Variants in RAB11FIP1 observed in about 807,000 individuals in gnomAD.
RAB11FIP1 encodes RAB11 family interacting protein 1, also known as rab11 family-interacting protein 1.
In RAB11FIP1, 49 loss-of-function variants were observed where a neutral mutation model predicts 83.1. The ratio of observed to expected loss-of-function variants is 0.59; its 90% CI spans 0.47 to 0.75. RAB11FIP1 has a LOEUF of 0.75. RAB11FIP1 is among the 30% of genes least tolerant of loss of function. The pLI is 0.00. For missense variants in RAB11FIP1, 1,536 were observed against 1,598.7 expected, an observed-to-expected ratio of 0.96 and a Z score of 0.67; for synonymous variants, 670 against 656.0, an observed-to-expected ratio of 1.02 and a Z score of -0.33.
Position 37,862,765 on chromosome 8 carries a change from G to T in RAB11FIP1, c.*130C>A. Reference sequence around the variant, plus strand: ...GCTTCCATTGGTAGAATTCACTCTTGCCGGATAACATGTGAGGGAGATGGT... The same window carrying T: ...GCTTCCATTGGTAGAATTCACTCTTTCCGGATAACATGTGAGGGAGATGGT... On this transcript the variant is annotated 3_prime_UTR_variant, in exon 6 of 6. Coordinates refer to ENST00000330843, the MANE Select transcript of RAB11FIP1 (RefSeq NM_001002814.3). The T allele has an allele frequency of 1.5e-6, 1 of 679,036 alleles. No homozygotes were observed. The highest frequency in any genetic ancestry group is 2.6e-6 in the Non-Finnish European group (1 of 389,934). The allele number at this position is 679,036 out of a possible 1,614,324, so 42.1% of individuals were successfully genotyped here. A position where few individuals can be genotyped will look rare whatever the true frequency, so the allele number is the denominator to read the frequency against.
Position 37,872,231 on chromosome 8 carries a change from G to A in RAB11FIP1, c.2571C>T (p.Pro857=). The A allele has an allele frequency of 6.2e-7, 1 of 1,614,066 alleles. No individual in the cohort carries two copies. Among genetic ancestry groups the A allele is most frequent in the Non-Finnish European group, 8.5e-7 (1 of 1,180,000 alleles). ...ATTCCCTTTCTGAGTCCTCTGCGTGGGGAGACTCAGGAGGCTCTCCGTCAG... is the reference window on the plus strand; with the variant it reads ...ATTCCCTTTCTGAGTCCTCTGCGTGAGGAGACTCAGGAGGCTCTCCGTCAG... ...NASDGEPPES[P]HAEDSERESV... is the part of the protein sequence containing the mutation. The change falls in exon 4 of 6, where the codon CCC becomes CCT. Residue 857 remains proline, a synonymous_variant. Coordinates refer to ENST00000330843, the MANE Select transcript of RAB11FIP1 (RefSeq NM_001002814.3).
intron 1 of RAB11FIP1, among the ~76,000 whole-genome samples, chr8:37,891,895 G>A (rs1806954084): frequency 1.3e-5 from 2 of 152,138 alleles, no homozygotes; most frequent in Admixed American, 6.6e-5. Context: ...AAGACTTGGC[G>A]GTACTGAGTG....
Position 37,874,932 on chromosome 8 carries a change from G to C in RAB11FIP1, c.1205C>G (p.Pro402Arg), listed in dbSNP as rs1226010490. Residue 402 changes from proline to arginine, a missense_variant, in exon 3 of 6, where the codon CCA becomes CGA. Physicochemically the swap from Pro to Arg is moderately radical, Grantham distance 103. Transcript: ENST00000330843. ...TTCCCTGAGGTCCCCACTGACCAGTGGGGCAGGTCGGTAGGACGGCAGGGT... is the reference window on the plus strand; with the variant it reads ...TTCCCTGAGGTCCCCACTGACCAGTCGGGCAGGTCGGTAGGACGGCAGGGT... ...SMTLPSYRPA[P>R]LVSGDLRENM... The C allele has an allele frequency of 6.2e-7, 1 of 1,614,146 alleles. No homozygotes were observed. Among genetic ancestry groups the C allele is most frequent in the Admixed American group, 1.7e-5 (1 of 60,012 alleles).
rs1269483438 is a variant in RAB11FIP1, at chr8:37,894,697, A to AATACATATATATACATATATAT, written c.371+4352_371+4373dup. On this transcript the variant is annotated intron_variant, in intron 1 of 5. Transcript: ENST00000330843. ...TTTCATTTTGATTTATATATACATA[A>AATACATATATATACATATATAT]ATACATATATATACATATATATATA... Among the ~76,000 whole-genome samples, 252 of 144,088 alleles carry AATACATATATATACATATATAT rather than the reference A, an allele frequency of 1.7e-3. 2 individuals carry two copies. Among genetic ancestry groups the AATACATATATATACATATATAT allele is most frequent in the Admixed American group, 3.9e-3 (57 of 14,582 alleles). The allele number at this position is 144,088 out of a possible 152,430, so 94.5% of individuals were successfully genotyped here.
chr8:37,880,672 G>A (rs1307183029), intron 1 of RAB11FIP1, among the ~76,000 whole-genome samples: 1 of 151,460 alleles, frequency 6.6e-6, no homozygotes, highest in South Asian at 2.1e-4. Context: ...TGAGGCAGGA[G>A]GATCACTTGA....
At chr8:37,887,505 T>C (rs1175223896) in intron 1 of RAB11FIP1, among the ~76,000 whole-genome samples, 1 of 142,732 alleles carries the variant, frequency 7.0e-6, no homozygotes, top group Non-Finnish European at 1.5e-5. Flanking sequence ...CACTCCAGCC[T>C]GGGTGGCAGA....
Position 37,866,461 on chromosome 8 carries a change from C to T in RAB11FIP1, c.3634-3348G>A, listed in dbSNP as rs139122502. 1.6e-3 allele frequency among the ~76,000 whole-genome samples: 239 copies of T among 152,268 alleles called. 2 individuals are homozygous for T. Among genetic ancestry groups the T allele is most frequent in the Non-Finnish European group, 2.6e-3 (178 of 68,024 alleles). On this transcript the variant is annotated intron_variant, in intron 5 of 5. Transcript: ENST00000330843. Reference sequence around the variant, plus strand: ...ATGGTGCCCATTGTCATGTATTTCTCACCAGGATTCTTACCCTGGACTTTT... The same window carrying T: ...ATGGTGCCCATTGTCATGTATTTCTTACCAGGATTCTTACCCTGGACTTTT...
rs78017237 is a variant in RAB11FIP1, at chr8:37,899,277, G to C, written c.165C>G (p.Ser55=). ...GCGCGCCCAGGCTGCGCTCCGACAC[G>C]GAGGTGGCGTACTTCTCCTTGCCCA... is the stretch of plus-strand genomic sequence containing the variant. ...IQVGKEKYAT[S]VSERSLGAPV... is the part of the protein sequence containing the mutation. The change falls in exon 1 of 6, where the codon TCC becomes TCG. Residue 55 remains serine (S), a synonymous_variant. Coordinates refer to ENST00000330843, the MANE Select transcript of RAB11FIP1 (RefSeq NM_001002814.3). The surrounding 1 kb of genome is among the most constrained non-coding windows in gnomAD (Gnocchi z 4.5). The C allele has an allele frequency of 3.0e-3, 4,746 of 1,608,158 alleles. 135 individuals carry two copies. The African/African-American group carries it at 0.056, about 19-fold the overall frequency.
chr8:37,886,768 A>G (rs889026598), intron 1 of RAB11FIP1, among the ~76,000 whole-genome samples: 6 of 152,204 alleles, frequency 3.9e-5, no homozygotes, highest in Admixed American at 1.3e-4. Context: ...TTTTAAAAGC[A>G]GTCCATGAAC....
Position 37,873,076 on chromosome 8 carries a change from C to T in RAB11FIP1, c.1726G>A (p.Val576Ile), listed in dbSNP as rs1806517685. 1.2e-6 allele frequency: 2 copies of T among 1,614,018 alleles called. No individual in the cohort carries two copies. The highest frequency in any genetic ancestry group is 1.1e-5 in the South Asian group (1 of 91,070). The change falls in exon 4 of 6, where the codon GTC (valine) becomes ATC (isoleucine). Residue 576 changes from valine (V) to isoleucine (I), a missense_variant. Coordinates refer to ENST00000330843, the MANE Select transcript of RAB11FIP1 (RefSeq NM_001002814.3). ...GCACCATGTCCCAATTCAGAGGGGA[C>T]AGATGCCTGGCCAGAGCTAGAAGGA... ...PLPSSSGQAS[V>I]PSELGHGADT... is the part of the protein sequence containing the mutation.
intron 1 of RAB11FIP1, among the ~76,000 whole-genome samples, chr8:37,883,832 G>T (rs932537584): frequency 6.6e-6 from 1 of 152,042 alleles, no homozygotes; most frequent in Non-Finnish European, 1.5e-5. Context: ...ATCAGGGTTG[G>T]GTCCATTTCC....
intron 5 of RAB11FIP1, among the ~76,000 whole-genome samples, chr8:37,866,482 C>T (rs1437662658): frequency 6.6e-6 from 1 of 152,138 alleles, no homozygotes; most frequent in Non-Finnish European, 1.5e-5. Flanking sequence ...TTACCCTGGA[C>T]TTTTCCTTTT....
intron 5 of RAB11FIP1, among the ~76,000 whole-genome samples, chr8:37,866,188 A>G (rs934383559): frequency 2.6e-5 from 4 of 152,092 alleles, no homozygotes; most frequent in Middle Eastern, 3.4e-3. Flanking sequence ...ACAAAAAATT[A>G]TCCAGGCATG....
chr8:37,874,579 T>C lies in RAB11FIP1; in HGVS notation c.1558A>G (p.Lys520Glu), dbSNP rs531680428. 922 of 1,614,170 alleles carry C rather than the reference T, an allele frequency of 5.7e-4. 11 individuals are homozygous for C. The South Asian group carries it at 9.4e-3, about 16-fold the overall frequency. Reference sequence around the variant, plus strand: ...GAAATTGGAGGTCTCGGTTCAGACTTGGACTCTGGCTCAGCTTCTGGTTCT... The same window carrying C: ...GAAATTGGAGGTCTCGGTTCAGACTCGGACTCTGGCTCAGCTTCTGGTTCT... ...ITEPEAEPES[K>E]SEPRPPISSP... Residue 520 changes from lysine to glutamate, a missense_variant, in exon 3 of 6, where the codon AAG (lysine) becomes GAG (glutamate). Lys to Glu is a moderately conservative substitution (Grantham distance 56). Coordinates refer to ENST00000330843, the MANE Select transcript of RAB11FIP1 (RefSeq NM_001002814.3).
intron 2 of RAB11FIP1, among the ~76,000 whole-genome samples, chr8:37,876,262 G>GAAGGAAGGAAGGAAGA (rs1242621527): frequency 2.2e-4 from 31 of 138,270 alleles, no homozygotes; most frequent in African/African-American, 8.4e-4. Flanking sequence ...AGGAAGGAAG[G>GAAGGAAGGAAGGAAGA]AAGAAAGAAG....
At chr8:37,877,024 T>C in intron 2 of RAB11FIP1, 85 bp downstream of exon 2, 2 of 1,006,136 alleles carry the variant, frequency 2.0e-6, no homozygotes, top group Non-Finnish European at 3.0e-6. Context: ...ACTCTTTCTC[T>C]TGAGATTTGT....
At chr8:37,880,418 C>T (rs1314655192) in intron 1 of RAB11FIP1, among the ~76,000 whole-genome samples, 3 of 152,062 alleles carry the variant, frequency 2.0e-5, no homozygotes, top group Non-Finnish European at 4.4e-5. Flanking sequence ...CCTGCCTCAG[C>T]CTCCCGAGTA....
Position 37,871,524 on chromosome 8 carries a change from T to C in RAB11FIP1, c.3278A>G (p.Asn1093Ser), listed in dbSNP as rs1371316698. The change falls in exon 4 of 6, where the codon AAT becomes AGT. Residue 1093 changes from asparagine to serine, a missense_variant. Coordinates refer to ENST00000330843, the MANE Select transcript of RAB11FIP1 (RefSeq NM_001002814.3). ...AGAAGGGGAGGGGCTGGGTACAGGA[T>C]TGTCCAGGGATGTGCCAGGAGGCGG... ...PSPPPGTSLD[N>S]PVPSPSPSEI... 1 of 1,610,232 alleles carries C rather than the reference T, an allele frequency of 6.2e-7. No homozygotes were observed. The highest frequency in any genetic ancestry group is 8.5e-7 in the Non-Finnish European group (1 of 1,178,128).
At position 37,862,198 on chromosome 8, in the gene RAB11FIP1, C is replaced by A. The variant is rs1806251186; in HGVS notation, c.*697G>T. 1 of 152,372 alleles carries A rather than the reference C, an allele frequency of 6.6e-6. No individual in the cohort carries two copies. The highest frequency in any genetic ancestry group is 2.4e-5 in the African/African-American group (1 of 41,416). The allele number at this position is 152,372 out of a possible 1,614,324, so 9.4% of individuals were successfully genotyped here. ...TTCCTGAATTCTACTTTTCCTATCT[C>A]CAGTAGAAGGGCCCTGGATCTAAGC... is the stretch of plus-strand genomic sequence containing the variant. On this transcript the variant is annotated 3_prime_UTR_variant, in exon 6 of 6. Coordinates refer to ENST00000330843, the MANE Select transcript of RAB11FIP1 (RefSeq NM_001002814.3).
Sources: gnomAD v4.1 joint callset for allele counts (sites outside exome capture counted in the v4.1 genomes callset) on GRCh38, gnomAD v4.1.1 for gene constraint, Gnocchi (gnomAD v3.1) non-coding constraint, MANE v1.5 for transcripts, NCBI Gene and HGNC (gene_info 2026-07-23, HGNC 2026-07-21) for gene names.